Variants in TMEM178A observed in about 807,000 individuals in gnomAD.
TMEM178A encodes the protein transmembrane protein 178A.
TMEM178A carries 12 observed loss-of-function variants against 29.1 expected under a neutral mutation model. The ratio of observed to expected loss-of-function variants is 0.41; its 90% confidence interval spans 0.26 to 0.67. The LOEUF (loss-of-function observed/expected upper bound fraction) is 0.67. Among genes scored for constraint, TMEM178A ranks in the 30% least tolerant of loss-of-function variants. The pLI, the probability that TMEM178A is intolerant of heterozygous loss-of-function variation, is 0.29. For synonymous variants in TMEM178A, 210 were observed against 187.2 expected (o/e 1.12, Z -0.99); for missense variants, 366 against 419.1 (o/e 0.87, Z 1.11).
At chr2:39,683,874 A>T (rs1269427022) in intron 1 of TMEM178A, among the ~76,000 whole-genome samples, 1 of 152,208 alleles carries the variant, frequency 6.6e-6, no homozygotes, top group African/African-American at 2.4e-5. Context: ...CTGGAATTAC[A>T]GTTCCTTTAG....
chr2:39,733,472 T>C, the TMEM178A span, among the ~76,000 whole-genome samples: 1 of 152,210 alleles, frequency 6.6e-6, no homozygotes. Context: ...TTTTTCTGGT[T>C]CATCTTGGCC....
At chr2:39,699,459 G>C (rs993719433) in intron 1 of TMEM178A, among the ~76,000 whole-genome samples, 1 of 151,214 alleles carries the variant, frequency 6.6e-6, no homozygotes, top group African/African-American at 2.4e-5. Context: ...GATCTTTCTG[G>C]TTTTGTTTTT....
At chr2:39,691,006 A>G (rs1268397941) in intron 1 of TMEM178A, among the ~76,000 whole-genome samples, 2 of 152,212 alleles carry the variant, frequency 1.3e-5, no homozygotes, top group Admixed American at 6.5e-5. Context: ...GAACTTGAAA[A>G]CAGGTCAATT....
intron 2 of TMEM178A, 65 bp downstream of exon 2, chr2:39,704,259 C>G: frequency 7.5e-7 from 1 of 1,330,070 alleles, no homozygotes; most frequent in East Asian, 2.3e-5. Context: ...TCCCACCACC[C>G]CTCTCACATC....
chr2:39,667,746 G>A (rs1017834138), intron 1 of TMEM178A, among the ~76,000 whole-genome samples: 5 of 152,216 alleles, frequency 3.3e-5, no homozygotes, highest in African/African-American at 1.2e-4. Context: ...AAGGACTCCA[G>A]CACTTTTAGG....
At chr2:39,730,175 T>C in the TMEM178A span, among the ~76,000 whole-genome samples, 102 of 152,298 alleles carry the variant, frequency 6.7e-4, 1 homozygote, top group East Asian at 0.012. Context: ...CTTAATTCAA[T>C]GGTTTCTTGT....
At chr2:39,722,338 AAG>A (rs1312202232), downstream of TMEM178A, among the ~76,000 whole-genome samples, 1 of 152,156 alleles carries the variant, frequency 6.6e-6, no homozygotes, top group Non-Finnish European at 1.5e-5. Context: ...AAAGGGGAAA[AAG>A]AAAAAACTGC....
At chr2:39,670,911 A>G (rs1169451508) in intron 1 of TMEM178A, among the ~76,000 whole-genome samples, 2 of 152,214 alleles carry the variant, frequency 1.3e-5, no homozygotes, top group African/African-American at 4.8e-5. Context: ...GTGCATGTCA[A>G]TGAAATTCTA....
At chr2:39,718,544 C>T (rs1672634666), downstream of TMEM178A, among the ~76,000 whole-genome samples, 2 of 152,252 alleles carry the variant, frequency 1.3e-5, no homozygotes, top group South Asian at 4.1e-4. Flanking sequence ...ACAAAGCGAA[C>T]TCACTTATTT....
chr2:39,693,477 C>T (rs1572671946), intron 1 of TMEM178A, among the ~76,000 whole-genome samples: 2 of 152,214 alleles, frequency 1.3e-5, no homozygotes, highest in Non-Finnish European at 2.9e-5. Context: ...GAGACAGTGA[C>T]TCCGGGAACA....
chr2:39,735,313 G>C, the TMEM178A span, among the ~76,000 whole-genome samples: 1 of 152,120 alleles, frequency 6.6e-6, no homozygotes, highest in Non-Finnish European at 1.5e-5. Context: ...TATGTCTTCT[G>C]AGGACCAAAA....
chr2:39,672,785 C>T (rs1670459792), intron 1 of TMEM178A, among the ~76,000 whole-genome samples: 2 of 152,172 alleles, frequency 1.3e-5, no homozygotes, highest in Admixed American at 1.3e-4. Context: ...GATACTCTTG[C>T]CTTGGCCTCC....
chr2:39,674,080 AC>A (rs1411437253), intron 1 of TMEM178A, among the ~76,000 whole-genome samples: 3 of 152,196 alleles, frequency 2.0e-5, no homozygotes, highest in African/African-American at 7.2e-5. Context: ...TGGTATTCAG[AC>A]AATGGAAGTT....
intron 1 of TMEM178A, among the ~76,000 whole-genome samples, chr2:39,666,925 C>A (rs1311470447): frequency 6.6e-6 from 1 of 152,214 alleles, no homozygotes; most frequent in Admixed American, 6.5e-5. Context: ...GTGGTCATCC[C>A]AGCCTGGCAG....
In TMEM178A at chr2:39,666,176, CG is replaced by C; in HGVS notation, c.205del (p.Asp69ThrfsTer64). 1 of 1,472,606 alleles carries C rather than the reference CG, an allele frequency of 6.8e-7. No individual in the cohort carries two copies. Among genetic ancestry groups the C allele is most frequent in the South Asian group, 1.3e-5 (1 of 76,838 alleles). The allele number at this position is 1,472,606 out of a possible 1,614,324, so 91.2% of individuals were successfully genotyped here. A position where few individuals can be genotyped will look rare whatever the true frequency, so the allele number is the denominator to read the frequency against. On this transcript the variant is annotated frameshift_variant, in exon 1 of 4. Transcript: ENST00000281961. LOFTEE classifies it high-confidence loss of function. ...RLMPLSHLPL[R>X]DSPPLGRRLL... ...GATGCCGCTGTCGCACCTGCCGCTG[CG>C]GGACTCGCCCCCGCTGGGGCGCCGG...
chr2:39,699,470 G>A (rs1248927913), intron 1 of TMEM178A, among the ~76,000 whole-genome samples: 1 of 151,264 alleles, frequency 6.6e-6, no homozygotes, highest in Non-Finnish European at 1.5e-5. Flanking sequence ...TTTTGTTTTT[G>A]TTTTGAGACA....
intron 3 of TMEM178A, among the ~76,000 whole-genome samples, chr2:39,711,213 T>C (rs569009785): frequency 2.0e-5 from 3 of 152,364 alleles, no homozygotes; most frequent in South Asian, 2.1e-4. Context: ...ATTACTAGAC[T>C]ATACTGCTTT....
chr2:39,665,781 G>C, upstream of TMEM178A: 1 of 447,294 alleles, frequency 2.2e-6, no homozygotes, highest in Non-Finnish European at 3.6e-6. Context: ...GGGGCGGGCG[G>C]GCGGTGGGAG....
rs192170784 is a variant in TMEM178A, at chr2:39,673,501, C to T, written c.400+7127C>T. On this transcript the variant is annotated intron_variant, in intron 1 of 3. Coordinates refer to ENST00000281961, the MANE Select transcript of TMEM178A (RefSeq NM_152390.3). ...GTAAAAATCAATCAACTCATTTTTC[C>T]CCTAAGAACCTAAAGGATGTAATAT... 5.1e-4 allele frequency among the ~76,000 whole-genome samples: 77 copies of T among 152,250 alleles called. 1 individual carries two copies. The highest frequency in any genetic ancestry group is 6.8e-3 in the Middle Eastern group (2 of 294).
Sources: allele counts gnomAD v4.1 joint callset (sites outside exome capture counted in the v4.1 genomes callset), GRCh38; gene constraint gnomAD v4.1.1; transcripts MANE v1.5; gene names NCBI Gene and HGNC (gene_info 2026-07-23, HGNC 2026-07-21).